THSD7A: variants seen among roughly 807,000 people sequenced by gnomAD.
THSD7A encodes thrombospondin type 1 domain containing 7A.
In THSD7A, 96 loss-of-function variants were observed where a neutral mutation model predicts 231.3. The observed-to-expected ratio is 0.41, with a 90% CI of 0.35 to 0.49. THSD7A has a LOEUF of 0.49. THSD7A is among the 20% of genes least tolerant of loss of function. The pLI is 0.05. For synonymous variants in THSD7A, 940 were observed against 743.3 expected (o/e 1.26, Z -4.30); for missense variants, 2,290 against 2,070.2 (o/e 1.11, Z -2.06).
chr7:11,786,400 A>T (rs1396523261), intron 1 of THSD7A, among the ~76,000 whole-genome samples: 1 of 152,052 alleles, frequency 6.6e-6, no homozygotes, highest in Non-Finnish European at 1.5e-5. Context: ...AGGAGAAATA[A>T]CTTGTCTCCA....
chr7:11,660,269 G>A (rs958290779), intron 1 of THSD7A, among the ~76,000 whole-genome samples: 3 of 151,500 alleles, frequency 2.0e-5, no homozygotes, highest in Non-Finnish European at 4.4e-5. Context: ...CCCTTTTGCA[G>A]CATTCCACCT....
chr7:11,630,731 A>T (rs925068729), intron 2 of THSD7A, among the ~76,000 whole-genome samples: 4 of 152,316 alleles, frequency 2.6e-5, no homozygotes, highest in South Asian at 2.1e-4. Context: ...ACAAAACGAG[A>T]TAGGTTCAAA....
At chr7:11,495,300 G>A (rs1455559207) in intron 6 of THSD7A, among the ~76,000 whole-genome samples, 1 of 152,006 alleles carries the variant, frequency 6.6e-6, no homozygotes, top group South Asian at 2.1e-4. Flanking sequence ...ATGTGGCTCA[G>A]AACAAATGCA....
intron 13 of THSD7A, among the ~76,000 whole-genome samples, chr7:11,432,873 T>A (rs1251409087): frequency 6.6e-6 from 1 of 152,022 alleles, no homozygotes. Context: ...TATTATATTA[T>A]CCATTGTAAA....
chr7:11,536,590 T>C (rs1788925353), intron 6 of THSD7A, among the ~76,000 whole-genome samples: 1 of 152,216 alleles, frequency 6.6e-6, no homozygotes, highest in Admixed American at 6.5e-5. Flanking sequence ...AACTGTATGG[T>C]GAATCCTCCT....
At chr7:11,576,314 T>C (rs1790902074) in intron 4 of THSD7A, among the ~76,000 whole-genome samples, 1 of 152,204 alleles carries the variant, frequency 6.6e-6, no homozygotes, top group Admixed American at 6.5e-5. Flanking sequence ...GCAATTTCTT[T>C]TCTAACTGCG....
rs747030465 is a variant in THSD7A at position 11,411,163 on chromosome 7, A to G, written c.3798+44T>C. On this transcript the variant is annotated intron_variant, in intron 19 of 27. Transcript: ENST00000423059. The surrounding 1 kb of genome is among the most constrained non-coding windows in gnomAD (Gnocchi z 4.1). ...TGGCTCAGCATGAATTGAAATTATT[A>G]GGGAAGAATTTACTCGCGAAGATAT... 3.4e-6 allele frequency: 5 copies of G among 1,450,242 alleles called. No individual in the cohort carries two copies. In the Admixed American group the frequency reaches 7.0e-5, roughly 20 times the overall value. The allele number at this position is 1,450,242 out of a possible 1,614,324, so 89.8% of individuals were successfully genotyped here.
intron 2 of THSD7A, among the ~76,000 whole-genome samples, chr7:11,608,457 G>T (rs577091583): frequency 1.3e-5 from 2 of 152,114 alleles, no homozygotes; most frequent in African/African-American, 4.8e-5. Context: ...AAAGGATAGA[G>T]GTTAAAGGCA....
intron 22 of THSD7A, among the ~76,000 whole-genome samples, chr7:11,402,580 A>C (rs910685529): frequency 2.0e-4 from 31 of 152,218 alleles, no homozygotes; most frequent in Non-Finnish European, 2.2e-4. Context: ...CAAACATGTA[A>C]AATGATCACA....
intron 8 of THSD7A, among the ~76,000 whole-genome samples, chr7:11,472,347 C>A (rs1785971217): frequency 6.6e-6 from 1 of 151,970 alleles, no homozygotes; most frequent in African/African-American, 2.4e-5. Flanking sequence ...TTGATTTTAC[C>A]ATTGCACAGT....
At chr7:11,706,630 C>CTTTTTTTTCTTTTG (rs1780776840) in intron 1 of THSD7A, among the ~76,000 whole-genome samples, 1 of 66,420 alleles carries the variant, frequency 1.5e-5, no homozygotes, top group Non-Finnish European at 2.7e-5. Flanking sequence ...TAACAAGGTG[C>CTTTTTTTTCTTTTG]TTTTTTTTTT....
At position 11,382,543 on chromosome 7, in the gene THSD7A, C is replaced by T. The variant is rs763439231; in HGVS notation, c.4485G>A (p.Arg1495=). ...TACCTGTTACATTTATACCATCTGACCTTTGACACCACACTGTTCGGGAAG... is the reference window on the plus strand; with the variant it reads ...TACCTGTTACATTTATACCATCTGATCTTTGACACCACACTGTTCGGGAAG... ...KGSSRTVWCQ[R]SDGINVTGGC... Residue 1495 remains arginine, a synonymous_variant, in exon 24 of 28, where the codon AGG becomes AGA. Transcript: ENST00000423059. 4 of 1,612,682 alleles carry T rather than the reference C, an allele frequency of 2.5e-6. No homozygotes were observed. Among genetic ancestry groups the T allele is most frequent in the Non-Finnish European group, 2.5e-6 (3 of 1,179,102 alleles).
At chr7:11,769,153 A>ATATATATATTTTTTTTTTTTTTTTTT in intron 1 of THSD7A, among the ~76,000 whole-genome samples, 1 of 27,650 alleles carries the variant, frequency 3.6e-5, no homozygotes, top group Admixed American at 6.0e-4. Context: ...ATATATATAT[A>ATATATATATTTTTTTTTTTTTTTTTT]TTTTTTTTTT....
intron 1 of THSD7A, among the ~76,000 whole-genome samples, chr7:11,765,974 T>C (rs954397702): frequency 6.6e-6 from 1 of 152,198 alleles, no homozygotes; most frequent in Non-Finnish European, 1.5e-5. Context: ...GACTTTATAA[T>C]TATTTGGCAA....
intron 6 of THSD7A, among the ~76,000 whole-genome samples, chr7:11,500,291 A>G (rs750862172): frequency 6.6e-5 from 10 of 152,146 alleles, no homozygotes; most frequent in Non-Finnish European, 8.8e-5. Flanking sequence ...GGACTTCATT[A>G]CCACACAAGA....
At chr7:11,651,062 TA>T (rs1265055062) in intron 1 of THSD7A, among the ~76,000 whole-genome samples, 31 of 152,010 alleles carry the variant, frequency 2.0e-4, no homozygotes, top group Admixed American at 8.5e-4. Context: ...AAATGTCTAA[TA>T]ATAATAGACA....
chr7:11,760,220 T>A (rs1172383215), intron 1 of THSD7A, among the ~76,000 whole-genome samples: 1 of 152,064 alleles, frequency 6.6e-6, no homozygotes, highest in Non-Finnish European at 1.5e-5. Flanking sequence ...ATTAATGGAA[T>A]GATATTTGGG....
At chr7:11,663,552 GA>G (rs1381304680) in intron 1 of THSD7A, among the ~76,000 whole-genome samples, 5 of 151,540 alleles carry the variant, frequency 3.3e-5, no homozygotes, top group Non-Finnish European at 7.4e-5. Context: ...TGTAGAGTCA[GA>G]AATAACCTTG....
intron 2 of THSD7A, among the ~76,000 whole-genome samples, chr7:11,600,182 T>G (rs1780501162): frequency 6.6e-6 from 1 of 152,122 alleles, no homozygotes; most frequent in South Asian, 2.1e-4. Context: ...AACACCATAT[T>G]GTTTAGAATA....
Sources: allele counts gnomAD v4.1 joint callset (sites outside exome capture counted in the v4.1 genomes callset), GRCh38; gene constraint gnomAD v4.1.1; non-coding constraint Gnocchi (gnomAD v3.1); transcripts MANE v1.5; gene names NCBI Gene and HGNC (gene_info 2026-07-23, HGNC 2026-07-21).